EVC: variants seen among roughly 807,000 people sequenced by gnomAD.
The protein encoded by EVC is evC complex member EVC.
A neutral mutation model predicts 118.9 loss-of-function variants in EVC; 116 were observed. The ratio of observed to expected loss-of-function variants is 0.98; its 90% CI spans 0.84 to 1.14. EVC has a LOEUF of 1.14. Among genes scored for constraint, EVC ranks in the 50% most tolerant of loss-of-function variants. The pLI, the probability that EVC is intolerant of heterozygous loss-of-function variation, is 0.00. For synonymous variants in EVC, 619 were observed against 534.7 expected, an observed-to-expected ratio of 1.16 and a Z score of -2.18; for missense variants, 1,401 against 1,246.4, an observed-to-expected ratio of 1.12 and a Z score of -1.87.
chr4:5,727,555 G>A (rs918733886), intron 2 of EVC, among the ~76,000 whole-genome samples: 1 of 152,026 alleles, frequency 6.6e-6, no homozygotes, highest in Non-Finnish European at 1.5e-5. Context: ...TTCTTTTGCT[G>A]TGCAGAAGCT....
In EVC at chr4:5,798,020, A is replaced by C. The variant is rs1265060971; in HGVS notation, c.2098-566A>C. 6.6e-6 allele frequency among the ~76,000 whole-genome samples: 1 copy of C among 152,164 alleles called. No individual in the cohort carries two copies. Among genetic ancestry groups the C allele is most frequent in the Non-Finnish European group, 1.5e-5 (1 of 68,026 alleles). On this transcript the variant is annotated intron_variant, in intron 14 of 20. Transcript: ENST00000264956. The surrounding 1 kb of genome is among the most constrained non-coding windows in gnomAD (Gnocchi z 4.1). Reference sequence around the variant, plus strand: ...AGCAGCTGCTGCTCTTTGACCCATGAATGAGGCACAAGCCCACAGTCTCTT... The same window carrying C: ...AGCAGCTGCTGCTCTTTGACCCATGCATGAGGCACAAGCCCACAGTCTCTT...
intron 12 of EVC, 180 bp from the exon 13 acceptor site, chr4:5,793,428 A>G (rs1443743373): frequency 3.0e-6 from 2 of 657,998 alleles, no homozygotes; most frequent in Non-Finnish European, 5.5e-6. Context: ...CCTAAATGCA[A>G]ATAGGAAAGA....
intron 15 of EVC, among the ~76,000 whole-genome samples, chr4:5,799,501 G>A (rs1008500542): frequency 9.2e-5 from 14 of 152,294 alleles, no homozygotes; most frequent in African/African-American, 2.6e-4. Context: ...GAGTGGCAGC[G>A]CCGGGGCTGC....
At chr4:5,791,385 TAAG>T (rs1161057656) in intron 12 of EVC, among the ~76,000 whole-genome samples, 1 of 151,896 alleles carries the variant, frequency 6.6e-6, no homozygotes, top group Non-Finnish European at 1.5e-5. Context: ...GAGAGGGAAA[TAAG>T]AAATAATATT....
Position 5,738,422 on chromosome 4 carries a change from G to A in EVC, c.703-3294G>A, listed in dbSNP as rs549964054. Reference sequence around the variant, plus strand: ...GTTCTACTGTGGGCAAATTGCTATCGAATAGCATGGCACGCTGCAGAGAAA... The same window carrying A: ...GTTCTACTGTGGGCAAATTGCTATCAAATAGCATGGCACGCTGCAGAGAAA... On this transcript the variant is annotated intron_variant, in intron 5 of 20. Coordinates refer to ENST00000264956, the MANE Select transcript of EVC (RefSeq NM_153717.3). This position sits in a 1 kb window ranked among gnomAD's most constrained non-coding sequence, Gnocchi z 6.5. 6.6e-6 allele frequency among the ~76,000 whole-genome samples: 1 copy of A among 152,082 alleles called. No individual in the cohort carries two copies. The highest frequency in any genetic ancestry group is 1.5e-5 in the Non-Finnish European group (1 of 68,024).
At chr4:5,711,634 G>A (rs995186575) in intron 1 of EVC, 80 bp downstream of exon 1, 1 of 1,055,098 alleles carries the variant, frequency 9.5e-7, no homozygotes, top group African/African-American at 1.7e-5. Context: ...CGGAGCCCCG[G>A]CTCTGCGACT....
In EVC at chr4:5,754,850, C is replaced by A. The variant is rs1288802952; in HGVS notation, c.1464+917C>A. ...GGGGCAGCCCCAGCCTCACTGTTTG[C>A]CTGGGTCCGCCTGCCCTCCGTCAAC... On this transcript the variant is annotated intron_variant, in intron 10 of 20. Transcript: ENST00000264956. The surrounding 1 kb of genome is among the most constrained non-coding windows in gnomAD (Gnocchi z 5.8). 6.6e-6 allele frequency among the ~76,000 whole-genome samples: 1 copy of A among 152,150 alleles called. No individual in the cohort carries two copies. Among genetic ancestry groups the A allele is most frequent in the African/African-American group, 2.4e-5 (1 of 41,432 alleles).
At chr4:5,758,451 ATT>A (rs1329627248) in intron 11 of EVC, 2 of 241,466 alleles carry the variant, frequency 8.3e-6, no homozygotes, top group Non-Finnish European at 1.6e-5. Flanking sequence ...AAGACACTGC[ATT>A]TTCCTTCCTT....
chr4:5,788,972 G>A (rs1479077522), intron 12 of EVC, among the ~76,000 whole-genome samples: 3 of 152,158 alleles, frequency 2.0e-5, no homozygotes, highest in Non-Finnish European at 2.9e-5. Context: ...AGTGTGGCCC[G>A]GGGAAGTCAA....
rs1305210050 is a variant in EVC at position 5,811,080 on chromosome 4, G to T, written c.*43G>T. 2 of 1,526,662 alleles carry T rather than the reference G, an allele frequency of 1.3e-6. No individual in the cohort carries two copies. Among genetic ancestry groups the T allele is most frequent in the Non-Finnish European group, 1.8e-6 (2 of 1,112,618 alleles). The allele number at this position is 1,526,662 out of a possible 1,614,324, so 94.6% of individuals were successfully genotyped here. Reference sequence around the variant, plus strand: ...GGACAAGACCTGAAGCCCTGGGTCTGGGTGTGAATTCCACCTTCCCTCCTG... The same window carrying T: ...GGACAAGACCTGAAGCCCTGGGTCTTGGTGTGAATTCCACCTTCCCTCCTG... On this transcript the variant is annotated 3_prime_UTR_variant, in exon 21 of 21. Transcript: ENST00000264956.
intron 11 of EVC, among the ~76,000 whole-genome samples, chr4:5,759,509 C>T (rs866298712): frequency 2.0e-5 from 3 of 151,900 alleles, no homozygotes; most frequent in Admixed American, 6.6e-5. Flanking sequence ...CTATGGGCGG[C>T]GGGGGTGGTT....
At position 5,756,470 on chromosome 4, in the gene EVC, C is replaced by T. The variant is rs759730755; in HGVS notation, c.1563+108C>T. ...CCCAGAGGTGGTTCAGGTCCAACCC[C>T]GCACTCATTGGCCGGTGATCCACGC... On this transcript the variant is annotated intron_variant, in intron 11 of 20. Transcript: ENST00000264956. This position sits in a 1 kb window ranked among gnomAD's most constrained non-coding sequence, Gnocchi z 4.2. The T allele has an allele frequency of 5.5e-5, 49 of 883,550 alleles. No individual in the cohort carries two copies. The highest frequency in any genetic ancestry group is 7.5e-5 in the Non-Finnish European group (41 of 547,810). 54.7% of individuals were successfully genotyped at this position (883,550 alleles called of 1,614,324 possible). A position where few individuals can be genotyped will look rare whatever the true frequency, so the allele number is the denominator to read the frequency against.
intron 5 of EVC, among the ~76,000 whole-genome samples, chr4:5,733,699 AC>A (rs1431529714): frequency 6.6e-6 from 1 of 152,204 alleles, no homozygotes; most frequent in Non-Finnish European, 1.5e-5. Context: ...CCCGGGCTAC[AC>A]CTCCTGCTGG....
chr4:5,713,537 C>T (rs1723394159), intron 1 of EVC, among the ~76,000 whole-genome samples: 1 of 152,014 alleles, frequency 6.6e-6, no homozygotes, highest in Non-Finnish European at 1.5e-5. Context: ...AATTAGCTGG[C>T]ATAGTGGCAG....
intron 2 of EVC, among the ~76,000 whole-genome samples, chr4:5,723,191 C>CTTTT (rs542977317): frequency 7.1e-6 from 1 of 140,770 alleles, no homozygotes; most frequent in Admixed American, 7.1e-5. Context: ...TCCTTTCCTT[C>CTTTT]TTTTTTTTTT....
rs961082812 is a variant in EVC at position 5,754,666 on chromosome 4, A to G, written c.1464+733A>G. 3.9e-5 allele frequency among the ~76,000 whole-genome samples: 6 copies of G among 152,224 alleles called. No homozygotes were observed. Among genetic ancestry groups the G allele is most frequent in the Admixed American group, 1.3e-4 (2 of 15,298 alleles). On this transcript the variant is annotated intron_variant, in intron 10 of 20. Transcript: ENST00000264956. The surrounding 1 kb of genome is among the most constrained non-coding windows in gnomAD (Gnocchi z 5.8). ...CAGGCTGGTTAAGCATTGGGCGCTG[A>G]GGCCAGCCACACTTGGGTTTGGGTG...
chr4:5,744,638 C>G (rs1729081847), intron 6 of EVC, among the ~76,000 whole-genome samples: 1 of 152,178 alleles, frequency 6.6e-6, no homozygotes, highest in Non-Finnish European at 1.5e-5. Flanking sequence ...AATTGCCTAG[C>G]TAGTCACGGG....
rs1405462254 is a variant in EVC at position 5,754,003 on chromosome 4, G to A, written c.1464+70G>A. 8.8e-6 allele frequency: 14 copies of A among 1,595,858 alleles called. No homozygotes were observed. Among genetic ancestry groups the A allele is most frequent in the African/African-American group, 2.7e-5 (2 of 74,494 alleles). On this transcript the variant is annotated intron_variant, in intron 10 of 20. Coordinates refer to ENST00000264956, the MANE Select transcript of EVC (RefSeq NM_153717.3). This position sits in a 1 kb window ranked among gnomAD's most constrained non-coding sequence, Gnocchi z 5.8. ...TAGCTCTGTTCCCGTGACTGAGCACGGGACGCCGGAGGTATTCATCAGGCA... is the reference window on the plus strand; with the variant it reads ...TAGCTCTGTTCCCGTGACTGAGCACAGGACGCCGGAGGTATTCATCAGGCA...
rs1477992676 is a variant in EVC at position 5,813,529 on chromosome 4, C to G, written c.*2492C>G. On this transcript the variant is annotated 3_prime_UTR_variant, in exon 21 of 21. Coordinates refer to ENST00000264956, the MANE Select transcript of EVC (RefSeq NM_153717.3). Reference sequence around the variant, plus strand: ...GCCAGAAATCACTTTTATATTGTCACATGGGCCCTCTGCACAGAGTCCGAT... The same window carrying G: ...GCCAGAAATCACTTTTATATTGTCAGATGGGCCCTCTGCACAGAGTCCGAT... 6.6e-6 allele frequency: 1 copy of G among 152,218 alleles called. No individual in the cohort carries two copies. Among genetic ancestry groups the G allele is most frequent in the Non-Finnish European group, 1.5e-5 (1 of 68,064 alleles). The allele number at this position is 152,218 out of a possible 1,614,324, so 9.4% of individuals were successfully genotyped here.
Sources: gnomAD v4.1 joint callset for allele counts (sites outside exome capture counted in the v4.1 genomes callset) on GRCh38, gnomAD v4.1.1 for gene constraint, Gnocchi (gnomAD v3.1) non-coding constraint, MANE v1.5 for transcripts, NCBI Gene and HGNC (gene_info 2026-07-23, HGNC 2026-07-21) for gene names.